STX8: variants seen among roughly 807,000 people sequenced by gnomAD.
The protein encoded by STX8 is syntaxin 8.
Under a neutral mutation model 37.5 loss-of-function variants are expected in STX8, and 23 were observed. The ratio of observed to expected loss-of-function variants is 0.61; its 90% CI spans 0.44 to 0.87. STX8 has a LOEUF of 0.87. Ranked by LOEUF, STX8 falls within the 40% of genes least tolerant of loss-of-function variation. The probability of loss-of-function intolerance (pLI) is 0.00; values close to 1 mark genes in which losing one functional copy is unlikely to be tolerated. For synonymous variants in STX8, 115 were observed against 99.1 expected (o/e 1.16, Z -0.95); for missense variants, 313 against 284.7 (o/e 1.10, Z -0.71).
chr17:9,295,228 G>A (rs1055011964), intron 7 of STX8, among the ~76,000 whole-genome samples: 1 of 152,106 alleles, frequency 6.6e-6, no homozygotes, highest in African/African-American at 2.4e-5. Context: ...CTTCCTTGAT[G>A]CCTCCTCTCT....
At chr17:9,447,062 C>G (rs1414704838) in intron 6 of STX8, among the ~76,000 whole-genome samples, 3 of 152,146 alleles carry the variant, frequency 2.0e-5, no homozygotes, top group Non-Finnish European at 4.4e-5. Flanking sequence ...GTGAAATATT[C>G]AAGGTCAAGA....
intron 7 of STX8, among the ~76,000 whole-genome samples, chr17:9,354,510 C>T (rs528303818): frequency 6.6e-6 from 1 of 151,628 alleles, no homozygotes. Context: ...TTAGTAGAGA[C>T]GGGGTTTCAC....
At chr17:9,526,877 CAAAAAA>C (rs1240045329) in intron 4 of STX8, among the ~76,000 whole-genome samples, 9 of 148,854 alleles carry the variant, frequency 6.0e-5, no homozygotes, top group Non-Finnish European at 1.3e-4. Flanking sequence ...AAAACAAAAA[CAAAAAA>C]AAAGTAACGT....
At chr17:9,339,332 T>G (rs1490867982) in intron 7 of STX8, among the ~76,000 whole-genome samples, 1 of 152,008 alleles carries the variant, frequency 6.6e-6, no homozygotes, top group African/African-American at 2.4e-5. Flanking sequence ...TCAAGAAAAC[T>G]TCTAGGAACT....
chr17:9,299,970 G>A (rs932371112), intron 7 of STX8, among the ~76,000 whole-genome samples: 3 of 152,088 alleles, frequency 2.0e-5, no homozygotes, highest in African/African-American at 7.2e-5. Flanking sequence ...ACCTAGGCAG[G>A]GCATGAACAT....
intron 1 of STX8, chr17:9,569,612 T>C (rs903382448): frequency 6.6e-6 from 1 of 152,168 alleles, no homozygotes; most frequent in Non-Finnish European, 1.5e-5. Flanking sequence ...GCCCCTTATG[T>C]TTTGCTTCTC....
At chr17:9,403,370 A>G (rs958613686) in intron 6 of STX8, among the ~76,000 whole-genome samples, 1 of 152,238 alleles carries the variant, frequency 6.6e-6, no homozygotes, top group African/African-American at 2.4e-5. Context: ...TCAGTTGTGA[A>G]TGACATTTAC....
At chr17:9,549,789 A>C (rs1906689876) in intron 3 of STX8, among the ~76,000 whole-genome samples, 1 of 152,290 alleles carries the variant, frequency 6.6e-6, no homozygotes, top group Non-Finnish European at 1.5e-5. Context: ...CTTGCTATGT[A>C]AGGGTTGTTA....
intron 6 of STX8, among the ~76,000 whole-genome samples, chr17:9,399,258 C>T (rs148429625): frequency 5.3e-4 from 81 of 152,268 alleles, no homozygotes; most frequent in Non-Finnish European, 8.7e-4. Context: ...TCCCTATTTA[C>T]ATGGAAGAGT....
At chr17:9,255,425 G>C (rs961908895) in intron 7 of STX8, among the ~76,000 whole-genome samples, 6 of 152,112 alleles carry the variant, frequency 3.9e-5, no homozygotes, top group Non-Finnish European at 7.4e-5. Flanking sequence ...TACTTGGGAG[G>C]CTGAGGCAGG....
At chr17:9,278,402 T>C (rs1907756878) in intron 7 of STX8, among the ~76,000 whole-genome samples, 1 of 150,716 alleles carries the variant, frequency 6.6e-6, no homozygotes, top group Non-Finnish European at 1.5e-5. Context: ...TGAGCTGAGA[T>C]CACGCCATTT....
chr17:9,470,594 C>A (rs1027638330), intron 6 of STX8, among the ~76,000 whole-genome samples: 1 of 152,216 alleles, frequency 6.6e-6, no homozygotes, highest in African/African-American at 2.4e-5. Context: ...GAGCATGCAT[C>A]TACTTTTCTC....
At chr17:9,480,379 G>T (rs185287292) in intron 6 of STX8, among the ~76,000 whole-genome samples, 1 of 152,166 alleles carries the variant, frequency 6.6e-6, no homozygotes, top group East Asian at 1.9e-4. Flanking sequence ...TTCTTATTAG[G>T]AAAAGAAAAA....
At chr17:9,460,963 G>A (rs1905356482) in intron 6 of STX8, among the ~76,000 whole-genome samples, 1 of 115,116 alleles carries the variant, frequency 8.7e-6, no homozygotes, top group African/African-American at 3.2e-5. Flanking sequence ...ACTTAACTTG[G>A]TCATCACTGC....
intron 6 of STX8, among the ~76,000 whole-genome samples, chr17:9,405,468 C>T (rs1912769485): frequency 1.3e-5 from 2 of 152,140 alleles, no homozygotes; most frequent in Non-Finnish European, 2.9e-5. Flanking sequence ...GGAAAAGGGG[C>T]TCTTGTTTTC....
Position 9,546,590 on chromosome 17 carries a change from G to GTTTTTTTT in STX8, c.213-1309_213-1308insAAAAAAAA, listed in dbSNP as rs745424722. Among the ~76,000 whole-genome samples, 284 of 62,114 alleles carry GTTTTTTTT rather than the reference G, an allele frequency of 4.6e-3. 17 individuals carry two copies. The highest frequency in any genetic ancestry group is 8.0e-3 in the African/African-American group (137 of 17,042). 40.7% of individuals were successfully genotyped at this position (62,114 alleles called of 152,430 possible). ...CTTTCTTGATGCAAACTACAAAAGTGGTTTTTTTTTTTTTTTTTTTTTTTT... is the reference window on the plus strand; with the variant it reads ...CTTTCTTGATGCAAACTACAAAAGTGTTTTTTTTGTTTTTTTTTTTTTTTTTTTTTTTT... On this transcript the variant is annotated intron_variant, in intron 3 of 7. Transcript: ENST00000306357.
At chr17:9,535,450 T>TTTTTA (rs1906000350) in intron 4 of STX8, among the ~76,000 whole-genome samples, 1 of 133,306 alleles carries the variant, frequency 7.5e-6, no homozygotes, top group African/African-American at 3.0e-5. Flanking sequence ...TTTTTTTTTT[T>TTTTTA]GAGACGGAGT....
chr17:9,424,324 T>C (rs1046339377), intron 6 of STX8, among the ~76,000 whole-genome samples: 2 of 151,956 alleles, frequency 1.3e-5, no homozygotes, highest in African/African-American at 2.4e-5. Flanking sequence ...TTTGGGTCCC[T>C]GCAAGATTGG....
intron 7 of STX8, among the ~76,000 whole-genome samples, chr17:9,256,108 G>C (rs1308195333): frequency 6.6e-6 from 1 of 152,240 alleles, no homozygotes; most frequent in Non-Finnish European, 1.5e-5. Flanking sequence ...ATTCTGCACA[G>C]TAAGTAACCC....
Sources: gnomAD v4.1 joint callset for allele counts (sites outside exome capture counted in the v4.1 genomes callset) on GRCh38, gnomAD v4.1.1 for gene constraint, MANE v1.5 for transcripts, NCBI Gene and HGNC (gene_info 2026-07-23, HGNC 2026-07-21) for gene names.